LRRC8D: variants seen among roughly 807,000 people sequenced by gnomAD.
The protein encoded by LRRC8D is volume-regulated anion channel subunit LRRC8D.
LRRC8D carries 20 observed loss-of-function variants against 55.8 expected under a neutral mutation model. That is an observed-to-expected ratio of 0.36 (90% CI 0.25 to 0.52). LRRC8D has a LOEUF of 0.52. LRRC8D is among the 20% of genes least tolerant of loss of function. The pLI is 0.93. For missense variants in LRRC8D, 651 were observed against 1,030.8 expected (o/e 0.63, Z 5.05); for synonymous variants, 352 against 377.0 (o/e 0.93, Z 0.77).
intron 2 of LRRC8D, among the ~76,000 whole-genome samples, chr1:89,922,257 G>C (rs1213381049): frequency 6.6e-6 from 1 of 151,974 alleles, no homozygotes; most frequent in South Asian, 2.1e-4. Context: ...TAGAGACCGG[G>C]TTTCATCATG....
intron 2 of LRRC8D, among the ~76,000 whole-genome samples, chr1:89,871,118 A>G (rs1570841822): frequency 6.6e-6 from 1 of 152,196 alleles, no homozygotes; most frequent in East Asian, 1.9e-4. Flanking sequence ...TTACAGCAAA[A>G]TACTAGTGAG....
At chr1:89,856,982 C>T (rs533204636) in intron 2 of LRRC8D, among the ~76,000 whole-genome samples, 1 of 151,968 alleles carries the variant, frequency 6.6e-6, no homozygotes, top group African/African-American at 2.4e-5. Flanking sequence ...TAGTGATTAC[C>T]CTAGAGTTTA....
chr1:89,900,916 A>G (rs1662833127), intron 2 of LRRC8D, among the ~76,000 whole-genome samples: 1 of 152,202 alleles, frequency 6.6e-6, no homozygotes, highest in East Asian at 1.9e-4. Flanking sequence ...GTTCTTTGCC[A>G]TGGCGACTGG....
intron 1 of LRRC8D, among the ~76,000 whole-genome samples, chr1:89,840,708 G>C (rs1281404903): frequency 2.0e-5 from 3 of 152,184 alleles, no homozygotes; most frequent in Non-Finnish European, 4.4e-5. Context: ...ACTGTTAACT[G>C]TTTTTAGATT....
At chr1:89,871,824 A>G (rs561975916) in intron 2 of LRRC8D, among the ~76,000 whole-genome samples, 9 of 152,238 alleles carry the variant, frequency 5.9e-5, no homozygotes, top group Non-Finnish European at 1.3e-4. Context: ...CTTTTCTGAA[A>G]AAGTCCATTG....
chr1:89,920,173 A>C (rs1270061888), intron 2 of LRRC8D, among the ~76,000 whole-genome samples: 2 of 152,218 alleles, frequency 1.3e-5, no homozygotes, highest in Non-Finnish European at 2.9e-5. Flanking sequence ...AATTCCTAAG[A>C]TATTTTGCTT....
intron 2 of LRRC8D, among the ~76,000 whole-genome samples, chr1:89,909,794 A>G (rs1663086933): frequency 6.7e-6 from 1 of 149,828 alleles, no homozygotes; most frequent in Admixed American, 6.7e-5. Context: ...TGAACCCAGG[A>G]GGCGGAGCTT....
At chr1:89,905,131 CTTAAGAGTT>C (rs1172176691) in intron 2 of LRRC8D, among the ~76,000 whole-genome samples, 3 of 152,116 alleles carry the variant, frequency 2.0e-5, no homozygotes, top group African/African-American at 2.4e-5. Flanking sequence ...AAAGAAGCCT[CTTAAGAGTT>C]AAGTTTTCAC....
intron 2 of LRRC8D, among the ~76,000 whole-genome samples, chr1:89,907,211 A>G (rs78359677): frequency 0.31 from 11,888 of 38,388 alleles, 1,475 homozygotes; most frequent in Middle Eastern, 0.45. Context: ...TTTTTTTTTG[A>G]TACTGAGTCT....
chr1:89,837,610 A>C (rs1661030714), intron 1 of LRRC8D, among the ~76,000 whole-genome samples: 1 of 152,244 alleles, frequency 6.6e-6, no homozygotes, highest in Non-Finnish European at 1.5e-5. Context: ...TAATATGAAG[A>C]TAACAATAAC....
chr1:89,843,074 A>T (rs1661175380), intron 1 of LRRC8D: 2 of 152,220 alleles, frequency 1.3e-5, no homozygotes, highest in African/African-American at 4.8e-5. Flanking sequence ...GGCACAAGAC[A>T]AGTAATTTCC....
chr1:89,900,653 G>A (rs768791528), intron 2 of LRRC8D, among the ~76,000 whole-genome samples: 2 of 152,230 alleles, frequency 1.3e-5, no homozygotes, highest in South Asian at 2.1e-4. Context: ...TATAAAGAAA[G>A]TCTTTGGAGC....
At chr1:89,914,233 G>GGGCT (rs1663200647) in intron 2 of LRRC8D, among the ~76,000 whole-genome samples, 1 of 152,222 alleles carries the variant, frequency 6.6e-6, no homozygotes, top group African/African-American at 2.4e-5. Context: ...CAAGAATGAA[G>GGGCT]GGCTGGCCAA....
At chr1:89,903,315 A>G (rs1216906078) in intron 2 of LRRC8D, among the ~76,000 whole-genome samples, 1 of 152,210 alleles carries the variant, frequency 6.6e-6, no homozygotes, top group Non-Finnish European at 1.5e-5. Context: ...AGTTGTTTGA[A>G]TTGTTAATGA....
At chr1:89,870,821 A>G (rs544290222) in intron 2 of LRRC8D, among the ~76,000 whole-genome samples, 1 of 152,372 alleles carries the variant, frequency 6.6e-6, no homozygotes, top group Admixed American at 6.5e-5. Flanking sequence ...ACTTGGAAAT[A>G]GGTACCCTTT....
chr1:89,830,808 T>C (rs1256563509), intron 1 of LRRC8D, among the ~76,000 whole-genome samples: 1 of 152,156 alleles, frequency 6.6e-6, no homozygotes, highest in Non-Finnish European at 1.5e-5. Flanking sequence ...CAAAATAGCT[T>C]TGTGGGCTGG....
At chr1:89,885,303 C>G (rs1005105741) in intron 2 of LRRC8D, among the ~76,000 whole-genome samples, 2 of 152,130 alleles carry the variant, frequency 1.3e-5, no homozygotes, top group African/African-American at 4.8e-5. Flanking sequence ...ATCTTCCTGC[C>G]TAAAATGCTG....
intron 1 of LRRC8D, among the ~76,000 whole-genome samples, chr1:89,840,649 T>C (rs1234165610): frequency 1.3e-5 from 2 of 152,214 alleles, no homozygotes; most frequent in Non-Finnish European, 2.9e-5. Context: ...CTCCTATATA[T>C]CATTAAATTA....
chr1:89,825,456 T>A (rs564505627), intron 1 of LRRC8D, among the ~76,000 whole-genome samples: 2 of 152,356 alleles, frequency 1.3e-5, no homozygotes, highest in South Asian at 4.1e-4. Context: ...TTCTAATGTT[T>A]TGTGCAAATC....
Sources: gnomAD v4.1 joint callset for allele counts (sites outside exome capture counted in the v4.1 genomes callset) on GRCh38, gnomAD v4.1.1 for gene constraint, MANE v1.5 for transcripts, NCBI Gene and HGNC (gene_info 2026-07-23, HGNC 2026-07-21) for gene names.